Variants in RIMS2 observed in about 807,000 individuals in gnomAD.
RIMS2 encodes regulating synaptic membrane exocytosis protein 2.
Under a neutral mutation model 174.4 loss-of-function variants are expected in RIMS2, and 59 were observed. The observed-to-expected ratio is 0.34, with a 90% CI of 0.27 to 0.42. RIMS2 has a LOEUF of 0.42. Among genes scored for constraint, RIMS2 ranks in the 10% least tolerant of loss-of-function variants. The pLI, the probability that RIMS2 is intolerant of heterozygous loss-of-function variation, is 1.00. For missense variants in RIMS2, 1,620 were observed against 1,666.3 expected, an observed-to-expected ratio of 0.97 and a Z score of 0.48; for synonymous variants, 606 against 572.5, an observed-to-expected ratio of 1.06 and a Z score of -0.84.
chr8:103,613,168 T>C (rs911559456), intron 1 of RIMS2, among the ~76,000 whole-genome samples: 2 of 152,212 alleles, frequency 1.3e-5, no homozygotes, highest in African/African-American at 4.8e-5. Context: ...CCAGAGATGC[T>C]TTCTTGGAGC....
At chr8:103,843,536 C>G (rs1421353278) in intron 3 of RIMS2, among the ~76,000 whole-genome samples, 2 of 152,148 alleles carry the variant, frequency 1.3e-5, no homozygotes, top group African/African-American at 4.8e-5. Context: ...CTATTTGAGA[C>G]TTTTTCCTCA....
chr8:103,870,991 T>C (rs890092280), intron 3 of RIMS2, among the ~76,000 whole-genome samples: 1 of 152,244 alleles, frequency 6.6e-6, no homozygotes, highest in Non-Finnish European at 1.5e-5. Context: ...ATTTATGGCC[T>C]CTGCTGCCAC....
At chr8:103,503,566 T>G (rs2028083) in intron 1 of RIMS2, among the ~76,000 whole-genome samples, 1 of 152,072 alleles carries the variant, frequency 6.6e-6, no homozygotes, top group East Asian at 1.9e-4. Flanking sequence ...AAAATTAACA[T>G]GTATTTTAAG....
rs1010614741 is a variant in RIMS2 at position 104,155,332 on chromosome 8, TC to T, written c.3335-89582del. 2.6e-5 allele frequency among the ~76,000 whole-genome samples: 4 copies of T among 150,992 alleles called. No homozygotes were observed. The East Asian group carries it at 7.9e-4, about 30-fold the overall frequency. On this transcript the variant is annotated intron_variant, in intron 19 of 23. Transcript: ENST00000504942. ...CGTGTTACCCAGGATGGTCTCGATCTCCTGACCTCGTGATCTGCCCGCCTCG... is the reference window on the plus strand; with the variant it reads ...CGTGTTACCCAGGATGGTCTCGATCTCTGACCTCGTGATCTGCCCGCCTCG...
At chr8:104,044,376 A>C (rs1022385930) in intron 19 of RIMS2, among the ~76,000 whole-genome samples, 1 of 151,558 alleles carries the variant, frequency 6.6e-6, no homozygotes, top group Non-Finnish European at 1.5e-5. Context: ...AAGGAATTTA[A>C]GCTTAGAGGG....
At chr8:103,549,499 C>T (rs1846664445) in intron 1 of RIMS2, among the ~76,000 whole-genome samples, 2 of 152,156 alleles carry the variant, frequency 1.3e-5, no homozygotes, top group South Asian at 4.1e-4. Context: ...ACAACCAGTA[C>T]CAGCCACTGC....
At chr8:103,788,001 C>T (rs1179993373) in intron 3 of RIMS2, among the ~76,000 whole-genome samples, 1 of 151,840 alleles carries the variant, frequency 6.6e-6, no homozygotes, top group Non-Finnish European at 1.5e-5. Context: ...AACTTCCCTT[C>T]TCACTTCATT....
intron 1 of RIMS2, among the ~76,000 whole-genome samples, chr8:103,550,297 G>A (rs1847141442): frequency 6.6e-6 from 1 of 152,140 alleles, no homozygotes; most frequent in African/African-American, 2.4e-5. Flanking sequence ...TCAGGATTAA[G>A]AAACTCACTC....
intron 6 of RIMS2, 64 bp from the exon 10 acceptor site, chr8:103,915,431 C>T (rs1005733209): frequency 7.8e-6 from 7 of 902,810 alleles, no homozygotes; most frequent in South Asian, 1.8e-5. Context: ...ATTCTTTTAC[C>T]TGAATCTTCA....
exon 24 of RIMS2, chr8:104,251,854 CG>C: frequency 2.4e-6 from 2 of 837,710 alleles, no homozygotes; most frequent in South Asian, 1.9e-5. Flanking sequence ...CAGCAACCAG[CG>C]TTACAAAAAA....
chr8:103,668,134 G>A (rs571602103), intron 1 of RIMS2, among the ~76,000 whole-genome samples: 1 of 152,280 alleles, frequency 6.6e-6, no homozygotes, highest in East Asian at 1.9e-4. Context: ...TAGGAGCATA[G>A]GCCTTCCAGT....
intron 3 of RIMS2, among the ~76,000 whole-genome samples, chr8:103,803,193 T>A (rs2098626780): frequency 6.6e-6 from 1 of 152,112 alleles, no homozygotes; most frequent in African/African-American, 2.4e-5. Context: ...AAATAATTAT[T>A]ATAGTTCAAA....
chr8:103,956,731 A>G (rs1176571861), intron 14 of RIMS2, among the ~76,000 whole-genome samples: 1 of 152,258 alleles, frequency 6.6e-6, no homozygotes, highest in Non-Finnish European at 1.5e-5. Context: ...CAATGGCAAC[A>G]AAAGCCAAAA....
chr8:104,195,489 T>C (rs1276949808), intron 19 of RIMS2, among the ~76,000 whole-genome samples: 1 of 149,362 alleles, frequency 6.7e-6, no homozygotes, highest in African/African-American at 2.5e-5. Flanking sequence ...AATAATGAAG[T>C]GTAAGGGTGG....
chr8:103,513,507 C>A (rs1827561241), intron 1 of RIMS2, among the ~76,000 whole-genome samples: 1 of 152,056 alleles, frequency 6.6e-6, no homozygotes, highest in Non-Finnish European at 1.5e-5. Flanking sequence ...AGGACAGTAG[C>A]CCCTAATCAA....
intron 1 of RIMS2, among the ~76,000 whole-genome samples, chr8:103,677,801 A>T (rs2096833998): frequency 6.6e-6 from 1 of 152,224 alleles, no homozygotes; most frequent in Non-Finnish European, 1.5e-5. Flanking sequence ...GTGGTTGGAA[A>T]AGATTCGTGG....
intron 3 of RIMS2, among the ~76,000 whole-genome samples, chr8:103,795,940 G>A (rs527939866): frequency 4.1e-4 from 62 of 152,166 alleles, no homozygotes; most frequent in African/African-American, 1.4e-3. Context: ...TACTTCCTCC[G>A]AAAGTAGCAG....
intron 19 of RIMS2, among the ~76,000 whole-genome samples, chr8:104,067,077 C>A (rs781714563): frequency 6.6e-6 from 1 of 151,956 alleles, no homozygotes; most frequent in Non-Finnish European, 1.5e-5. Flanking sequence ...ATACTGGTAC[C>A]TTTTTAATCC....
intron 1 of RIMS2, among the ~76,000 whole-genome samples, chr8:103,676,913 G>A (rs374540844): frequency 2.0e-4 from 30 of 152,290 alleles, no homozygotes; most frequent in African/African-American, 6.5e-4. Flanking sequence ...GAACCCAGAA[G>A]GCAGAGGTTG....
Sources: gnomAD v4.1 joint callset for allele counts (sites outside exome capture counted in the v4.1 genomes callset) on GRCh38, gnomAD v4.1.1 for gene constraint, MANE v1.5 for transcripts, NCBI Gene and HGNC (gene_info 2026-07-23, HGNC 2026-07-21) for gene names.